The following DMD variants were observed in gnomAD, a reference collection of about 807,000 sequenced individuals.
DMD encodes dystrophin, also known as mutant dystrophin.
DMD carries 63 observed loss-of-function variants against 330.1 expected under a neutral mutation model. The observed-to-expected ratio is 0.19, with a 90% CI of 0.16 to 0.24. The LOEUF is 0.24. DMD is among the 10% of genes least tolerant of loss of function. The pLI is 1.00. For missense variants in DMD, 3,344 were observed against 2,684.1 expected (o/e 1.25, Z -5.43); for synonymous variants, 1,223 against 959.8 (o/e 1.27, Z -5.07).
intron 7 of DMD, among the ~76,000 whole-genome samples, chrX:32,795,846 GA>G (rs1433771110): frequency 2.7e-5 from 3 of 111,508 alleles, no homozygotes; most frequent in Non-Finnish European, 5.7e-5. Flanking sequence ...ACGGGTATAT[GA>G]AAAAATGCTC....
chrX:32,250,860 C>T (rs2097260713), intron 43 of DMD, among the ~76,000 whole-genome samples: 1 of 111,547 alleles, frequency 9.0e-6, no homozygotes. Flanking sequence ...AAAAGTACCT[C>T]ATAAAACAGG....
intron 60 of DMD, among the ~76,000 whole-genome samples, chrX:31,364,722 C>T (rs770852730): frequency 4.0e-4 from 44 of 111,276 alleles, no homozygotes; most frequent in South Asian, 1.1e-3. Context: ...AGAATGGTAC[C>T]CATTATTATA....
intron 7 of DMD, among the ~76,000 whole-genome samples, chrX:32,807,013 C>G (rs2076988004): frequency 9.4e-6 from 1 of 106,540 alleles, no homozygotes; most frequent in Non-Finnish European, 1.9e-5. Flanking sequence ...AATCAACACC[C>G]TAACATCACA....
chrX:32,465,149 C>T (rs1265466046), intron 23 of DMD, among the ~76,000 whole-genome samples: 4 of 112,050 alleles, frequency 3.6e-5, no homozygotes, highest in African/African-American at 1.3e-4. Context: ...AATAGTCCTT[C>T]CAGTTGGGAA....
At chrX:31,833,056 T>C (rs755195963) in intron 49 of DMD, among the ~76,000 whole-genome samples, 18 of 110,903 alleles carry the variant, frequency 1.6e-4, no homozygotes, top group Non-Finnish European at 2.8e-4. Context: ...TGGGGTGCTA[T>C]TGAGGACCTA....
intron 76 of DMD, among the ~76,000 whole-genome samples, chrX:31,134,507 C>T (rs1266012417): frequency 9.2e-6 from 1 of 108,690 alleles, no homozygotes; most frequent in Non-Finnish European, 1.9e-5. Context: ...ACTGCAACCT[C>T]CGCCTCCCAG....
intron 11 of DMD, among the ~76,000 whole-genome samples, chrX:32,618,046 A>G (rs1453950390): frequency 2.7e-5 from 3 of 112,088 alleles, no homozygotes; most frequent in African/African-American, 9.7e-5. Flanking sequence ...AAGAAAAGGG[A>G]ACACTTATAC....
chrX:32,274,073 A>C (rs985112100), intron 43 of DMD, among the ~76,000 whole-genome samples: 2 of 112,303 alleles, frequency 1.8e-5, no homozygotes. Flanking sequence ...TGACAAAACC[A>C]AGAAATACAC....
chrX:32,128,378 A>G (rs2096671914), intron 44 of DMD, among the ~76,000 whole-genome samples: 1 of 112,175 alleles, frequency 8.9e-6, no homozygotes, highest in African/African-American at 3.2e-5. Flanking sequence ...ACATGCCTCT[A>G]ATTTAAAATA....
chrX:33,138,194 T>C (rs1057479382), intron 1 of DMD, among the ~76,000 whole-genome samples: 2 of 112,276 alleles, frequency 1.8e-5, no homozygotes, highest in Non-Finnish European at 3.8e-5. Flanking sequence ...GAGTCTGTCC[T>C]TTTAACCAAA....
chrX:31,154,340 T>C (rs1446790518), intron 74 of DMD, among the ~76,000 whole-genome samples: 3 of 110,228 alleles, frequency 2.7e-5, no homozygotes, highest in African/African-American at 9.9e-5. Flanking sequence ...CTGTCGCCCA[T>C]GCTGGAGTGC....
chrX:31,833,277 AGAGAGAGAGAGAGAGG>A (rs1569464322), intron 49 of DMD, among the ~76,000 whole-genome samples: 2 of 40,446 alleles, frequency 4.9e-5, no homozygotes, highest in South Asian at 1.7e-3. Flanking sequence ...GAAGGGGGAG[AGAGAGAGAGAGAGAGG>A]GAGAGAGGGA....
At chrX:32,074,440 C>T (rs909796192) in intron 44 of DMD, among the ~76,000 whole-genome samples, 1 of 112,044 alleles carries the variant, frequency 8.9e-6, no homozygotes, top group Non-Finnish European at 1.9e-5. Context: ...GAAACTATAG[C>T]CTGTGTGACA....
At chrX:31,505,156 T>C (rs1744942725) in intron 56 of DMD, among the ~76,000 whole-genome samples, 1 of 112,258 alleles carries the variant, frequency 8.9e-6, no homozygotes, top group Admixed American at 9.4e-5. Context: ...CCAATATTTT[T>C]TCCATCTCAC....
At chrX:32,579,937 T>G (rs1316667319) in intron 13 of DMD, among the ~76,000 whole-genome samples, 20 of 112,542 alleles carry the variant, frequency 1.8e-4, no homozygotes, top group Admixed American at 1.7e-3. Flanking sequence ...GTATACAAAG[T>G]GCTAATGAAT....
At chrX:32,155,303 G>T in intron 44 of DMD, 1 of 542,668 alleles carries the variant, frequency 1.8e-6, no homozygotes, top group Non-Finnish European at 2.2e-6. Context: ...ACCCACAGAA[G>T]AGCACTTTCC....
At chrX:31,470,086 G>A (rs1335832526) in intron 59 of DMD, among the ~76,000 whole-genome samples, 1 of 110,009 alleles carries the variant, frequency 9.1e-6, no homozygotes, top group Non-Finnish European at 1.9e-5. Flanking sequence ...TTTTTTTTAA[G>A]GTTCTTAGCT....
At chrX:31,537,563 G>A (rs1323712650) in intron 55 of DMD, among the ~76,000 whole-genome samples, 1 of 111,941 alleles carries the variant, frequency 8.9e-6, no homozygotes, top group Non-Finnish European at 1.9e-5. Flanking sequence ...TACTCACCTG[G>A]ACAATTTCAA....
intron 43 of DMD, among the ~76,000 whole-genome samples, chrX:32,252,076 A>G (rs1285498264): frequency 8.9e-6 from 1 of 111,811 alleles, no homozygotes; most frequent in Admixed American, 9.5e-5. Flanking sequence ...CTTAGATAAA[A>G]TCTATACTTA....
Sources: gnomAD v4.1 joint callset for allele counts (sites outside exome capture counted in the v4.1 genomes callset) on GRCh38, gnomAD v4.1.1 for gene constraint, MANE v1.5 for transcripts, NCBI Gene and HGNC (gene_info 2026-07-23, HGNC 2026-07-21) for gene names.